The following SAMSN1 variants were observed in gnomAD, a reference collection of about 807,000 sequenced individuals.
The protein encoded by SAMSN1 is SAM domain, SH3 domain and nuclear localization signals 1, also known as SAM domain-containing protein SAMSN-1.
A neutral mutation model predicts 42.0 loss-of-function variants in SAMSN1; 31 were observed. That is an observed-to-expected ratio of 0.74 (90% CI 0.55 to 1.00). The LOEUF (loss-of-function observed/expected upper bound fraction) is 1.00. SAMSN1 is among the 50% of genes least tolerant of loss of function. The pLI is 0.00. For missense variants in SAMSN1, 464 were observed against 439.4 expected (o/e 1.06, Z -0.50); for synonymous variants, 178 against 151.9 (o/e 1.17, Z -1.26).
intron 2 of SAMSN1, among the ~76,000 whole-genome samples, chr21:14,623,033 G>T (rs1024903919): frequency 3.9e-5 from 6 of 152,166 alleles, no homozygotes; most frequent in African/African-American, 1.4e-4. Flanking sequence ...CTTTATAAGT[G>T]AAGGAGAAAT....
At chr21:14,595,821 A>T (rs1982244237) in intron 6 of SAMSN1, among the ~76,000 whole-genome samples, 1 of 152,168 alleles carries the variant, frequency 6.6e-6, no homozygotes, top group African/African-American at 2.4e-5. Context: ...AAACTGACAA[A>T]GTAGCTGAAG....
intron 2 of SAMSN1, among the ~76,000 whole-genome samples, chr21:14,575,686 C>T (rs924018466): frequency 2.6e-5 from 4 of 152,092 alleles, no homozygotes; most frequent in South Asian, 4.1e-4. Flanking sequence ...CTTAGTATGT[C>T]TTATTATTTA....
intron 2 of SAMSN1, chr21:14,642,916 T>C (rs1035262012): frequency 3.3e-6 from 2 of 601,172 alleles, no homozygotes; most frequent in Admixed American, 2.8e-5. Context: ...AGTGAATTTT[T>C]GCTGTATTAA....
At chr21:14,498,852 T>A (rs1260584531) in intron 6 of SAMSN1, among the ~76,000 whole-genome samples, 1 of 152,220 alleles carries the variant, frequency 6.6e-6, no homozygotes, top group African/African-American at 2.4e-5. Flanking sequence ...AAATCATGGA[T>A]AAATTAAATA....
rs550478983 is a variant in SAMSN1 at position 14,648,155 on chromosome 21, C to T, written c.25-5022G>A. On this transcript the variant is annotated intron_variant, in intron 1 of 15. Transcript: ENST00000647101. ...AGATAGCTCTTATTATTTTGAAATA[C>T]ATCCCATCAATACCTAATTTATTGA... Among the ~76,000 whole-genome samples the T allele has an allele frequency of 3.4e-3, 523 of 152,000 alleles. 1 individual carries two copies. The highest frequency in any genetic ancestry group is 0.012 in the African/African-American group (498 of 41,446).
At chr21:14,595,997 T>G (rs891515709) in intron 6 of SAMSN1, among the ~76,000 whole-genome samples, 1 of 152,162 alleles carries the variant, frequency 6.6e-6, no homozygotes, top group African/African-American at 2.4e-5. Context: ...AATCAAAAAG[T>G]AAAACACCCA....
intron 2 of SAMSN1, among the ~76,000 whole-genome samples, chr21:14,556,916 C>T (rs1040357128): frequency 2.6e-5 from 4 of 152,032 alleles, no homozygotes; most frequent in South Asian, 4.1e-4. Context: ...TACAATAAAC[C>T]GAATATCCAA....
chr21:14,604,222 A>G (rs1982508978), intron 5 of SAMSN1, among the ~76,000 whole-genome samples: 1 of 152,244 alleles, frequency 6.6e-6, no homozygotes, highest in African/African-American at 2.4e-5. Context: ...TGAATTAGAC[A>G]ATATGCAGGC....
chr21:14,584,036 T>C (rs1264107134), upstream of SAMSN1, among the ~76,000 whole-genome samples: 1 of 151,572 alleles, frequency 6.6e-6, no homozygotes, highest in African/African-American at 2.4e-5. Flanking sequence ...CAAAATGGAT[T>C]GAATTCAGAA....
At chr21:14,577,655 ATTC>A (rs1181985971) in intron 2 of SAMSN1, among the ~76,000 whole-genome samples, 1 of 151,858 alleles carries the variant, frequency 6.6e-6, no homozygotes, top group African/African-American at 2.4e-5. Context: ...CTCTTCAGTT[ATTC>A]TTCTTATAAA....
Position 14,519,932 on chromosome 21 carries a change from G to A in SAMSN1, c.129+1218C>T, listed in dbSNP as rs10482856. ...TTATGAGATAATATGGCAAACTTTG[G>A]AGTCAGAGAAAAGGTTGATTTCTGC... On this transcript the variant is annotated intron_variant, in intron 2 of 7. Transcript: ENST00000400566. 6.3e-3 allele frequency among the ~76,000 whole-genome samples: 966 copies of A among 152,208 alleles called. 12 individuals are homozygous for A. Among genetic ancestry groups the A allele is most frequent in the Admixed American group, 0.025 (386 of 15,282 alleles).
In SAMSN1 at chr21:14,500,650, A is replaced by T; in HGVS notation, c.647T>A (p.Phe216Tyr). 6.2e-7 allele frequency: 1 copy of T among 1,614,094 alleles called. No homozygotes were observed. The highest frequency in any genetic ancestry group is 1.1e-5 in the South Asian group (1 of 91,074). Reference protein sequence around the residue: ...MLNNKVGNFKFIYVDVISEEE... With the variant: ...MLNNKVGNFKYIYVDVISEEE... ...TTCTGAGATGACATCCACATAAATG[A>T]ATTTGAAGTTTCCCACTTTATTGTT... Residue 216 changes from phenylalanine to tyrosine, a missense_variant, in exon 6 of 8, where the codon TTC becomes TAC. Coordinates refer to ENST00000400566, the MANE Select transcript of SAMSN1 (RefSeq NM_022136.5).
intron 2 of SAMSN1, among the ~76,000 whole-genome samples, chr21:14,634,638 G>A (rs1198464807): frequency 1.3e-5 from 2 of 152,108 alleles, no homozygotes; most frequent in Non-Finnish European, 2.9e-5. Context: ...CCAGTCAGAT[G>A]GTGATTATTA....
At chr21:14,493,845 A>C (rs535299924) in intron 7 of SAMSN1, among the ~76,000 whole-genome samples, 1 of 152,294 alleles carries the variant, frequency 6.6e-6, no homozygotes, top group South Asian at 2.1e-4. Context: ...AATGCAACAC[A>C]GGAGCAAATT....
chr21:14,550,208 T>G (rs1482351683), upstream of SAMSN1, among the ~76,000 whole-genome samples: 1 of 152,076 alleles, frequency 6.6e-6, no homozygotes, highest in Non-Finnish European at 1.5e-5. Context: ...GGGGGGACCG[T>G]TTCTTCCTTG....
chr21:14,508,043 T>C (rs1987495087), intron 5 of SAMSN1, among the ~76,000 whole-genome samples: 2 of 152,184 alleles, frequency 1.3e-5, no homozygotes, highest in Non-Finnish European at 2.9e-5. Context: ...TCTCACCTTA[T>C]AGAAAAATCA....
chr21:14,507,385 T>C (rs1281401843), intron 5 of SAMSN1, among the ~76,000 whole-genome samples: 1 of 152,164 alleles, frequency 6.6e-6, no homozygotes, highest in Non-Finnish European at 1.5e-5. Context: ...AGTAGCTCTT[T>C]TATACACTAA....
Position 14,498,685 on chromosome 21 carries a change from G to T in SAMSN1, c.769-93C>A, listed in dbSNP as rs554777071. The stretch of plus-strand genomic sequence containing the variant: ...TTAAAGAAAGTATAGAGATGCACAT[G>T]GGGACCAAAGGTGCCAATAGAACTT... On this transcript the variant is annotated intron_variant, in intron 6 of 7. Transcript: ENST00000400566. 9 of 953,642 alleles carry T rather than the reference G, an allele frequency of 9.4e-6. No homozygotes were observed. The African/African-American group carries it at 1.0e-4, about 11-fold the overall frequency. 59.1% of individuals were successfully genotyped at this position (953,642 alleles called of 1,614,324 possible).
intron 4 of SAMSN1, 132 bp from the exon 5 acceptor site, chr21:14,510,593 T>C (rs1190916007): frequency 2.0e-6 from 2 of 984,856 alleles, no homozygotes; most frequent in African/African-American, 3.2e-5. Context: ...AATTGACCCA[T>C]CCTGGTGTCT....
Sources: allele counts gnomAD v4.1 joint callset (sites outside exome capture counted in the v4.1 genomes callset), GRCh38; gene constraint gnomAD v4.1.1; transcripts MANE v1.5; gene names NCBI Gene and HGNC (gene_info 2026-07-23, HGNC 2026-07-21).